SLC1A4: variants seen among roughly 807,000 people sequenced by gnomAD.
The protein encoded by SLC1A4 is solute carrier family 1 member 4.
In SLC1A4, 19 loss-of-function variants were observed where a neutral mutation model predicts 37.7. The ratio of observed to expected loss-of-function variants is 0.50; its 90% CI spans 0.35 to 0.74. The LOEUF is 0.74. Among genes scored for constraint, SLC1A4 ranks in the 30% least tolerant of loss-of-function variants. The probability of loss-of-function intolerance (pLI) is 0.01; values close to 1 mark genes in which losing one functional copy is unlikely to be tolerated. For missense variants in SLC1A4, 570 were observed against 712.9 expected (o/e 0.80, Z 2.28); for synonymous variants, 299 against 309.8 (o/e 0.97, Z 0.37).
Position 65,018,689 on chromosome 2 carries a change from A to C in SLC1A4, c.1364+10A>C, listed in dbSNP as rs1232941496. On this transcript the variant is annotated intron_variant, in intron 7 of 7. Coordinates refer to ENST00000234256, the MANE Select transcript of SLC1A4 (RefSeq NM_003038.5). This position sits in a 1 kb window ranked among gnomAD's most constrained non-coding sequence, Gnocchi z 4.3. Reference sequence around the variant, plus strand: ...CTGTGGACTGGATTGTGTAAGTAACAAGTCCTGAGAACACCAAAAAGAGTC... The same window carrying C: ...CTGTGGACTGGATTGTGTAAGTAACCAGTCCTGAGAACACCAAAAAGAGTC... The C allele has an allele frequency of 6.2e-7, 1 of 1,613,938 alleles. No homozygotes were observed. The highest frequency in any genetic ancestry group is 8.5e-7 in the Non-Finnish European group (1 of 1,179,996).
chr2:65,010,785 ACT>A (rs770612830), intron 4 of SLC1A4, 22 bp downstream of exon 4: 51 of 1,596,732 alleles, frequency 3.2e-5, no homozygotes, highest in Admixed American at 8.7e-5. Flanking sequence ...TTTGCTGCCT[ACT>A]CTCTCTCTCC....
chr2:64,990,821 CCTTT>C (rs1190487028), intron 1 of SLC1A4, among the ~76,000 whole-genome samples: 1 of 152,176 alleles, frequency 6.6e-6, no homozygotes, highest in Non-Finnish European at 1.5e-5. Context: ...GTTTCAAAGG[CCTTT>C]CTTTGTGCGA....
intron 1 of SLC1A4, among the ~76,000 whole-genome samples, chr2:64,995,076 AT>A (rs1157796923): frequency 6.6e-6 from 1 of 152,024 alleles, no homozygotes; most frequent in Non-Finnish European, 1.5e-5. Flanking sequence ...GCAGCTTGTA[AT>A]TTTTTTTAAA....
Position 65,018,766 on chromosome 2 carries a change from A to G in SLC1A4, c.1364+87A>G. On this transcript the variant is annotated intron_variant, in intron 7 of 7. Coordinates refer to ENST00000234256, the MANE Select transcript of SLC1A4 (RefSeq NM_003038.5). This position sits in a 1 kb window ranked among gnomAD's most constrained non-coding sequence, Gnocchi z 4.3. The stretch of plus-strand genomic sequence containing the variant: ...ACTGCTGGGCCTGGGCCATGCAGAG[A>G]AACTTCAGACACACTCCAGCCTTGT... 6.7e-7 allele frequency: 1 copy of G among 1,482,278 alleles called. No individual in the cohort carries two copies. The highest frequency in any genetic ancestry group is 9.2e-7 in the Non-Finnish European group (1 of 1,083,208). 91.8% of individuals were successfully genotyped at this position (1,482,278 alleles called of 1,614,324 possible).
In SLC1A4 at chr2:65,018,510, A is replaced by G. The variant is rs1330577779; in HGVS notation, c.1230-35A>G. ...TTTCTCTGTGTCCACTCCACGCTCT[A>G]TGTTAATGGCTGGCCCTGCTCTGCC... On this transcript the variant is annotated intron_variant, in intron 6 of 7. Transcript: ENST00000234256. This position sits in a 1 kb window ranked among gnomAD's most constrained non-coding sequence, Gnocchi z 4.3. The G allele has an allele frequency of 1.9e-6, 3 of 1,611,938 alleles. No homozygotes were observed. The highest frequency in any genetic ancestry group is 2.5e-6 in the Non-Finnish European group (3 of 1,178,960).
chr2:65,013,254 C>A (rs1171997124), intron 4 of SLC1A4, among the ~76,000 whole-genome samples: 2 of 152,222 alleles, frequency 1.3e-5, no homozygotes, highest in Non-Finnish European at 2.9e-5. Context: ...CGGAGTTTCA[C>A]TCTTGTTGCC....
intron 3 of SLC1A4, among the ~76,000 whole-genome samples, chr2:65,004,653 C>G (rs1673608260): frequency 6.6e-6 from 1 of 151,706 alleles, no homozygotes; most frequent in African/African-American, 2.4e-5. Context: ...TTAAACTACC[C>G]CTATACCTAT....
chr2:64,991,636 C>G (rs868837505), intron 1 of SLC1A4, among the ~76,000 whole-genome samples: 12 of 152,202 alleles, frequency 7.9e-5, no homozygotes, highest in Middle Eastern at 6.8e-3. Flanking sequence ...GAGTCTCGCT[C>G]TGTCACCCAG....
At position 65,016,679 on chromosome 2, in the gene SLC1A4, T is replaced by C. The variant is rs762491068; in HGVS notation, c.1034+6T>C. On this transcript the variant is annotated splice_donor_region_variant and intron_variant, in intron 5 of 7. Transcript: ENST00000234256. The stretch of plus-strand genomic sequence containing the variant: ...GCATTTGCTACCTGCTCCAGGTGAG[T>C]GGGTTTTGGGTCTCTTCACTGCTCT... 1.9e-6 allele frequency: 3 copies of C among 1,595,454 alleles called. No individual in the cohort carries two copies. In the East Asian group the frequency reaches 6.7e-5, roughly 36 times the overall value.
At chr2:65,004,077 G>C in intron 3 of SLC1A4, 62 bp downstream of exon 3, 1 of 1,406,560 alleles carries the variant, frequency 7.1e-7, no homozygotes, top group Non-Finnish European at 1.0e-6. Flanking sequence ...TTTCTTCTTT[G>C]AAGGAGCATA....
At chr2:65,003,415 CAGTT>C (rs1267082469) in intron 2 of SLC1A4, among the ~76,000 whole-genome samples, 1 of 152,200 alleles carries the variant, frequency 6.6e-6, no homozygotes, top group Non-Finnish European at 1.5e-5. Context: ...CCTGAAGACT[CAGTT>C]AGATGATGCC....
intron 3 of SLC1A4, among the ~76,000 whole-genome samples, chr2:65,007,414 C>T (rs975377861): frequency 1.3e-5 from 2 of 152,080 alleles, no homozygotes; most frequent in African/African-American, 4.8e-5. Context: ...TGCAAAATCC[C>T]AGGGAGACTG....
chr2:65,003,053 T>C (rs773310957), intron 2 of SLC1A4, among the ~76,000 whole-genome samples: 1 of 152,122 alleles, frequency 6.6e-6, no homozygotes, highest in Non-Finnish European at 1.5e-5. Context: ...TAATGTGAGG[T>C]AGGAAAAAAA....
rs772094635 is a variant in SLC1A4, at chr2:65,001,462, C to G, written c.542C>G (p.Ser181Cys). ...FLDLARNLFP[S>C]NLVVAAFRTY... The stretch of plus-strand genomic sequence containing the variant: ...TTTTCCAACAGAAACCTGTTTCCCT[C>G]CAATCTTGTGGTTGCAGCTTTCCGT... Residue 181 changes from serine (S) to cysteine (C), a missense_variant, in exon 2 of 8, where the codon TCC (serine) becomes TGC (cysteine). Physicochemically the swap from Ser to Cys is moderately radical, Grantham distance 112. Transcript: ENST00000234256. 3 of 1,613,882 alleles carry G rather than the reference C, an allele frequency of 1.9e-6. No individual in the cohort carries two copies. The East Asian group carries it at 6.7e-5, about 36-fold the overall frequency.
chr2:64,993,026 T>C (rs1673120113), intron 1 of SLC1A4, among the ~76,000 whole-genome samples: 1 of 152,240 alleles, frequency 6.6e-6, no homozygotes, highest in Non-Finnish European at 1.5e-5. Context: ...GATGTGGATT[T>C]CATGTGACTC....
chr2:65,013,195 G>A (rs185580310), intron 4 of SLC1A4, among the ~76,000 whole-genome samples: 2 of 152,256 alleles, frequency 1.3e-5, no homozygotes, highest in East Asian at 1.9e-4. Context: ...TCACTGATAC[G>A]TCCATGTTAG....
chr2:65,007,245 G>A (rs1019150126), intron 3 of SLC1A4, among the ~76,000 whole-genome samples: 4 of 149,524 alleles, frequency 2.7e-5, no homozygotes, highest in African/African-American at 9.7e-5. Context: ...CATTAAAGCA[G>A]GGCAAATAGA....
At chr2:65,006,236 A>G (rs1673665487) in intron 3 of SLC1A4, among the ~76,000 whole-genome samples, 1 of 152,164 alleles carries the variant, frequency 6.6e-6, no homozygotes, top group Non-Finnish European at 1.5e-5. Context: ...TCACACCTGT[A>G]ATCCCAGCAC....
rs893123187 is a variant in SLC1A4, at chr2:65,022,265, A to G, written c.*1119A>G. On this transcript the variant is annotated 3_prime_UTR_variant, in exon 8 of 8. Transcript: ENST00000234256. ...GAGCCCTTTCTTGCCAGTACATCCA[A>G]GTTTAAAATTATCAGCGAAATGGTC... 3 of 152,228 alleles carry G rather than the reference A, an allele frequency of 2.0e-5. No homozygotes were observed. Among genetic ancestry groups the G allele is most frequent in the African/African-American group, 7.2e-5 (3 of 41,450 alleles). 9.4% of individuals were successfully genotyped at this position (152,228 alleles called of 1,614,324 possible). A position where few individuals can be genotyped will look rare whatever the true frequency, so the allele number is the denominator to read the frequency against.
Sources: gnomAD v4.1 joint callset for allele counts (sites outside exome capture counted in the v4.1 genomes callset) on GRCh38, gnomAD v4.1.1 for gene constraint, Gnocchi (gnomAD v3.1) non-coding constraint, MANE v1.5 for transcripts, NCBI Gene and HGNC (gene_info 2026-07-23, HGNC 2026-07-21) for gene names.